The following RAB14 variants were observed in gnomAD, a reference collection of about 807,000 sequenced individuals.
RAB14 encodes RAB14, member RAS oncogene family.
In RAB14, 3 loss-of-function variants were observed where a neutral mutation model predicts 31.1. The ratio of observed to expected loss-of-function variants is 0.10; its 90% confidence interval spans 0.04 to 0.25. The LOEUF is 0.25. RAB14 is among the 10% of genes least tolerant of loss of function. The pLI is 1.00. For synonymous variants in RAB14, 85 were observed against 84.9 expected, an observed-to-expected ratio of 1.00 and a Z score of 0.00; for missense variants, 111 against 260.1, an observed-to-expected ratio of 0.43 and a Z score of 3.94.
intron 2 of RAB14, among the ~76,000 whole-genome samples, 172 bp downstream of exon 2, chr9:121,193,189 C>T (rs1221295335): frequency 6.6e-6 from 1 of 152,050 alleles, no homozygotes; most frequent in Non-Finnish European, 1.5e-5. Context: ...TATCCATGGC[C>T]ACAATGCAAA....
At chr9:121,185,879 C>G (rs1239104412) in intron 5 of RAB14, among the ~76,000 whole-genome samples, 1 of 152,104 alleles carries the variant, frequency 6.6e-6, no homozygotes, top group African/African-American at 2.4e-5. Context: ...GAACACCCAT[C>G]TATAGGTGTG....
At chr9:121,200,897 TA>T (rs1219005753) in intron 1 of RAB14, among the ~76,000 whole-genome samples, 1 of 152,144 alleles carries the variant, frequency 6.6e-6, no homozygotes, top group Non-Finnish European at 1.5e-5. Flanking sequence ...TTAAAACGCT[TA>T]AAACACTCCA....
rs755820427 is a variant in RAB14 at position 121,179,128 on chromosome 9, A to G, written c.*2268T>C. On this transcript the variant is annotated 3_prime_UTR_variant, in exon 8 of 8. Transcript: ENST00000373840. ...TCAAGGGTAATGTAAACACAAGAAT[A>G]AAGCTGTGGGTCTATTACTTAGTGA... 12 of 152,218 alleles carry G rather than the reference A, an allele frequency of 7.9e-5. No homozygotes were observed. Among genetic ancestry groups the G allele is most frequent in the African/African-American group, 1.2e-4 (5 of 41,450 alleles). The allele number at this position is 152,218 out of a possible 1,614,324, so 9.4% of individuals were successfully genotyped here. A position where few individuals can be genotyped will look rare whatever the true frequency, so the allele number is the denominator to read the frequency against.
At position 121,186,707 on chromosome 9, in the gene RAB14, A is replaced by G. The variant is rs560592431; in HGVS notation, c.351+246T>C. Among the ~76,000 whole-genome samples the G allele has an allele frequency of 1.3e-3, 205 of 152,280 alleles. 2 individuals are homozygous for G. The highest frequency in any genetic ancestry group is 6.4e-3 in the South Asian group (31 of 4,832). On this transcript the variant is annotated intron_variant, in intron 5 of 7. Transcript: ENST00000373840. ...TCAGATTTCATAGTCTTCACATGAG[A>G]TCACCACTACATTCATAATAGTAAT...
chr9:121,182,927 T>C lies in RAB14; in HGVS notation c.470+3A>G. 2 of 1,607,962 alleles carry C rather than the reference T, an allele frequency of 1.2e-6. No homozygotes were observed. Among genetic ancestry groups the C allele is most frequent in the Non-Finnish European group, 1.7e-6 (2 of 1,175,836 alleles). ...GAAATATCTGTATTTTGGTCACACT[T>C]ACGTTTTTGCACTCGCTTCGAGGAA... On this transcript the variant is annotated splice_donor_region_variant and intron_variant, in intron 7 of 7. Coordinates refer to ENST00000373840, the MANE Select transcript of RAB14 (RefSeq NM_016322.4).
At chr9:121,185,321 T>C (rs1467208488) in intron 5 of RAB14, among the ~76,000 whole-genome samples, 2 of 152,180 alleles carry the variant, frequency 1.3e-5, no homozygotes, top group African/African-American at 4.8e-5. Flanking sequence ...AATGGTAGGA[T>C]GTTATGTAAC....
chr9:121,185,029 G>C (rs1385051148), intron 5 of RAB14, among the ~76,000 whole-genome samples: 1 of 152,240 alleles, frequency 6.6e-6, no homozygotes, highest in East Asian at 1.9e-4. Context: ...CAACAAAATG[G>C]TAGAGAACAC....
intron 1 of RAB14, among the ~76,000 whole-genome samples, chr9:121,200,622 A>G (rs1309785027): frequency 6.6e-6 from 1 of 152,226 alleles, no homozygotes. Context: ...ATCCAATGCG[A>G]ACACAGTAAA....
At position 121,181,279 on chromosome 9, in the gene RAB14, TTTC is replaced by T; in HGVS notation, c.*114_*116del. The T allele has an allele frequency of 8.9e-7, 1 of 1,128,088 alleles. No individual in the cohort carries two copies. Among genetic ancestry groups the T allele is most frequent in the Non-Finnish European group, 1.2e-6 (1 of 828,714 alleles). 69.9% of individuals were successfully genotyped at this position (1,128,088 alleles called of 1,614,324 possible). ...TTAAACTGTTTTTACAACAGAGTTT[TTTC>T]TTTTTTTTTAATTAAACCCAGTAAG... On this transcript the variant is annotated 3_prime_UTR_variant, in exon 8 of 8. Transcript: ENST00000373840.
intron 4 of RAB14, among the ~76,000 whole-genome samples, chr9:121,189,693 G>A (rs2053676393): frequency 6.6e-6 from 1 of 152,054 alleles, no homozygotes; most frequent in Admixed American, 6.6e-5. Flanking sequence ...GTCTTAATAT[G>A]CTAACGCACA....
chr9:121,185,493 A>G (rs187087368), intron 5 of RAB14, among the ~76,000 whole-genome samples: 4 of 152,232 alleles, frequency 2.6e-5, no homozygotes. Flanking sequence ...ATCAGGATAC[A>G]GAACTGTTCT....
intron 4 of RAB14, among the ~76,000 whole-genome samples, chr9:121,189,097 T>C (rs1034688094): frequency 3.9e-5 from 6 of 152,104 alleles, no homozygotes; most frequent in African/African-American, 1.4e-4. Context: ...TGTTTTCAAG[T>C]TTCATCTATG....
At chr9:121,195,368 T>A (rs1001741439) in intron 1 of RAB14, among the ~76,000 whole-genome samples, 1 of 152,130 alleles carries the variant, frequency 6.6e-6, no homozygotes, top group African/African-American at 2.4e-5. Flanking sequence ...ATTTTCCTAA[T>A]TTCTTTCCCT....
chr9:121,197,907 T>C (rs2053727142), intron 1 of RAB14, among the ~76,000 whole-genome samples: 1 of 152,164 alleles, frequency 6.6e-6, no homozygotes, highest in East Asian at 1.9e-4. Flanking sequence ...AATATCCATG[T>C]AGTTTAGAAA....
At position 121,181,217 on chromosome 9, in the gene RAB14, C is replaced by T; in HGVS notation, c.*179G>A. 1.8e-6 allele frequency: 1 copy of T among 560,644 alleles called. No homozygotes were observed. Among genetic ancestry groups the T allele is most frequent in the Non-Finnish European group, 2.8e-6 (1 of 355,146 alleles). 34.7% of individuals were successfully genotyped at this position (560,644 alleles called of 1,614,324 possible). The stretch of plus-strand genomic sequence containing the variant: ...TATTACTCTACTTGCCTTTGATAAC[C>T]TGATTACATCTAGTTGTTTAGCAGT... On this transcript the variant is annotated 3_prime_UTR_variant, in exon 8 of 8. Coordinates refer to ENST00000373840, the MANE Select transcript of RAB14 (RefSeq NM_016322.4).
At chr9:121,186,694 G>A (rs554793195) in intron 5 of RAB14, among the ~76,000 whole-genome samples, 75 of 152,208 alleles carry the variant, frequency 4.9e-4, no homozygotes, top group African/African-American at 1.7e-3. Flanking sequence ...AGATTTCATA[G>A]TCTTCACATG....
intron 1 of RAB14, among the ~76,000 whole-genome samples, chr9:121,197,534 A>G (rs918377855): frequency 2.3e-4 from 35 of 152,332 alleles, no homozygotes; most frequent in African/African-American, 8.2e-4. Flanking sequence ...AATATTAAAC[A>G]CTAATTATTG....
At chr9:121,201,225 G>A (rs2053772217) in intron 1 of RAB14, among the ~76,000 whole-genome samples, 1 of 152,226 alleles carries the variant, frequency 6.6e-6, no homozygotes, top group Non-Finnish European at 1.5e-5. Context: ...GGGCTGCAGG[G>A]CGGCGCGGCA....
rs1185332034 is a variant in RAB14 at position 121,178,401 on chromosome 9, T to C, written c.*2995A>G. The C allele has an allele frequency of 6.6e-6, 1 of 152,620 alleles. No homozygotes were observed. The highest frequency in any genetic ancestry group is 1.5e-5 in the Non-Finnish European group (1 of 68,034). The allele number at this position is 152,620 out of a possible 1,614,324, so 9.5% of individuals were successfully genotyped here. Reference sequence around the variant, plus strand: ...CACAATTTTCTGGGCCTGTGTTGAATGAGGATAAATTATCTTTTCTCTAAA... The same window carrying C: ...CACAATTTTCTGGGCCTGTGTTGAACGAGGATAAATTATCTTTTCTCTAAA... On this transcript the variant is annotated 3_prime_UTR_variant, in exon 8 of 8. Transcript: ENST00000373840.
Sources: allele counts gnomAD v4.1 joint callset (sites outside exome capture counted in the v4.1 genomes callset), GRCh38; gene constraint gnomAD v4.1.1; transcripts MANE v1.5; gene names NCBI Gene and HGNC (gene_info 2026-07-23, HGNC 2026-07-21).